LPAR1: variants seen among roughly 807,000 people sequenced by gnomAD.
The protein encoded by LPAR1 is lysophosphatidic acid receptor 1.
LPAR1 carries 5 observed loss-of-function variants against 23.8 expected under a neutral mutation model. The observed-to-expected ratio is 0.21, with a 90% CI of 0.11 to 0.44. The LOEUF (loss-of-function observed/expected upper bound fraction) is 0.44. Among genes scored for constraint, LPAR1 ranks in the 20% least tolerant of loss-of-function variants. LPAR1 has a pLI of 0.99. For synonymous variants in LPAR1, 160 were observed against 164.7 expected (o/e 0.97, Z 0.22); for missense variants, 311 against 482.8 (o/e 0.64, Z 3.33).
At chr9:111,028,052 A>G (rs1293113605) in intron 2 of LPAR1, among the ~76,000 whole-genome samples, 3 of 152,162 alleles carry the variant, frequency 2.0e-5, no homozygotes, top group Non-Finnish European at 4.4e-5. Context: ...TACTTATGAT[A>G]CAAAGGAGAA....
intron 4 of LPAR1, among the ~76,000 whole-genome samples, chr9:110,961,525 C>G (rs965543099): frequency 7.1e-6 from 1 of 140,712 alleles, no homozygotes; most frequent in Non-Finnish European, 1.5e-5. Flanking sequence ...GAGGCTGAGA[C>G]AGGAGAATCG....
At chr9:111,028,676 G>A (rs888371497) in intron 2 of LPAR1, among the ~76,000 whole-genome samples, 1 of 150,052 alleles carries the variant, frequency 6.7e-6, no homozygotes, top group South Asian at 2.1e-4. Context: ...CTTTTTAGTA[G>A]GCAACTAAAG....
chr9:110,896,003 C>A lies in LPAR1; in HGVS notation c.794-20281G>T, dbSNP rs151209613. Among the ~76,000 whole-genome samples, 59 of 152,264 alleles carry A rather than the reference C, an allele frequency of 3.9e-4. 2 individuals carry two copies. In the East Asian group the frequency reaches 0.011, roughly 29 times the overall value. ...AAAAATCTTAATCAGATCAGGCTTA[C>A]AGAGTGAAAAACTTAGTTAGGGAAG... is the stretch of plus-strand genomic sequence containing the variant. On this transcript the variant is annotated intron_variant, in intron 5 of 5. Coordinates refer to ENST00000683809, the MANE Select transcript of LPAR1 (RefSeq NM_001351411.2).
intron 5 of LPAR1, among the ~76,000 whole-genome samples, chr9:110,919,312 G>A (rs977823735): frequency 6.6e-6 from 1 of 151,850 alleles, no homozygotes; most frequent in Non-Finnish European, 1.5e-5. Context: ...ACAGTCACAA[G>A]GAAATGAATT....
intron 4 of LPAR1, among the ~76,000 whole-genome samples, chr9:110,964,126 T>G (rs954132180): frequency 6.6e-6 from 1 of 152,204 alleles, no homozygotes; most frequent in African/African-American, 2.4e-5. Flanking sequence ...AAGCCTTCTG[T>G]GTGTCTCATT....
chr9:111,034,572 A>C (rs938498486), intron 2 of LPAR1, among the ~76,000 whole-genome samples: 2 of 152,206 alleles, frequency 1.3e-5, no homozygotes, highest in East Asian at 3.8e-4. Context: ...GAGAGTAGGG[A>C]GGAAGAAACT....
intron 2 of LPAR1, among the ~76,000 whole-genome samples, chr9:111,022,487 C>A (rs1011677505): frequency 8.6e-5 from 13 of 151,964 alleles, no homozygotes; most frequent in Admixed American, 8.5e-4. Flanking sequence ...CACTAAAATC[C>A]TACCAAGGTA....
At chr9:110,963,316 AT>A (rs2137504330) in intron 4 of LPAR1, among the ~76,000 whole-genome samples, 1 of 152,360 alleles carries the variant, frequency 6.6e-6, no homozygotes, top group South Asian at 2.1e-4. Context: ...CACAAGATGA[AT>A]TTAAATTGCA....
chr9:110,893,483 T>G (rs1380141849), intron 5 of LPAR1, among the ~76,000 whole-genome samples: 4 of 152,206 alleles, frequency 2.6e-5, no homozygotes, highest in Admixed American at 6.5e-5. Flanking sequence ...AACAGGTCAC[T>G]TATAAAATTG....
At chr9:110,980,313 TAC>T (rs1418072971) in intron 2 of LPAR1, among the ~76,000 whole-genome samples, 1 of 152,024 alleles carries the variant, frequency 6.6e-6, no homozygotes, top group Non-Finnish European at 1.5e-5. Context: ...AAAAAAATCT[TAC>T]AGATTAAATG....
chr9:110,969,318 T>C (rs1012017216), intron 4 of LPAR1, among the ~76,000 whole-genome samples: 1 of 152,204 alleles, frequency 6.6e-6, no homozygotes, highest in Non-Finnish European at 1.5e-5. Flanking sequence ...AGAATTTTAA[T>C]GGTATCTTCC....
At chr9:110,892,090 C>T (rs1243164045) in intron 5 of LPAR1, among the ~76,000 whole-genome samples, 1 of 152,116 alleles carries the variant, frequency 6.6e-6, no homozygotes, top group Admixed American at 6.5e-5. Context: ...GTAGGAAATG[C>T]CCAGAGCAAA....
intron 5 of LPAR1, among the ~76,000 whole-genome samples, chr9:110,885,825 G>A (rs961422422): frequency 7.2e-5 from 11 of 152,222 alleles, no homozygotes; most frequent in Non-Finnish European, 1.3e-4. Flanking sequence ...CACTTTGGGA[G>A]GCTGAGGCGG....
chr9:110,992,923 G>C (rs528939478), intron 2 of LPAR1, among the ~76,000 whole-genome samples: 10 of 152,192 alleles, frequency 6.6e-5, no homozygotes, highest in Non-Finnish European at 1.3e-4. Flanking sequence ...TGATAATTTC[G>C]AGAGTATATG....
intron 2 of LPAR1, among the ~76,000 whole-genome samples, chr9:111,008,964 G>C (rs143268172): frequency 2.6e-5 from 4 of 152,112 alleles, no homozygotes; most frequent in African/African-American, 9.6e-5. Flanking sequence ...GGGTGGGATC[G>C]CAAAGCACAT....
chr9:110,960,161 T>C (rs937544502), intron 4 of LPAR1, among the ~76,000 whole-genome samples: 6 of 152,092 alleles, frequency 3.9e-5, no homozygotes, highest in African/African-American at 1.2e-4. Context: ...ACTTAAAACA[T>C]TCCCAACACA....
At position 110,987,303 on chromosome 9, in the gene LPAR1, T is replaced by A. The variant is rs2096802977; in HGVS notation, c.-181-13745A>T. ...TATATATCTATTCAATTATTATGTT[T>A]ATTCTATATAATATATTGCATATAT... On this transcript the variant is annotated intron_variant, in intron 2 of 5. Coordinates refer to ENST00000683809, the MANE Select transcript of LPAR1 (RefSeq NM_001351411.2). 2.0e-5 allele frequency among the ~76,000 whole-genome samples: 3 copies of A among 150,922 alleles called. No individual in the cohort carries two copies. The South Asian group carries it at 6.2e-4, about 31-fold the overall frequency.
intron 4 of LPAR1, among the ~76,000 whole-genome samples, chr9:110,963,195 G>T (rs547487219): frequency 6.6e-6 from 1 of 152,116 alleles, no homozygotes; most frequent in African/African-American, 2.4e-5. Context: ...GTTTACCCTA[G>T]GTACCCCTGT....
chr9:110,909,484 C>G (rs2092034694), intron 5 of LPAR1, among the ~76,000 whole-genome samples: 1 of 152,104 alleles, frequency 6.6e-6, no homozygotes, highest in African/African-American at 2.4e-5. Flanking sequence ...GTTACGTGAT[C>G]CTAGCACCTT....
Sources: allele counts gnomAD v4.1 joint callset (sites outside exome capture counted in the v4.1 genomes callset), GRCh38; gene constraint gnomAD v4.1.1; transcripts MANE v1.5; gene names NCBI Gene and HGNC (gene_info 2026-07-23, HGNC 2026-07-21).